CSPP1: variants seen among roughly 807,000 people sequenced by gnomAD.
The protein encoded by CSPP1 is centrosome and spindle pole associated protein 1, also known as centrosome and spindle pole-associated protein 1.
In CSPP1, 126 loss-of-function variants were observed where a neutral mutation model predicts 164.4. The observed-to-expected ratio is 0.77, with a 90% CI of 0.66 to 0.89. CSPP1 has a LOEUF of 0.89. Among genes scored for constraint, CSPP1 ranks in the 40% least tolerant of loss-of-function variants. The probability of loss-of-function intolerance (pLI) is 0.00; values close to 1 mark genes in which losing one functional copy is unlikely to be tolerated. For synonymous variants in CSPP1, 472 were observed against 476.7 expected, an observed-to-expected ratio of 0.99 and a Z score of 0.13; for missense variants, 1,395 against 1,449.8, an observed-to-expected ratio of 0.96 and a Z score of 0.61.
At chr8:67,077,196 C>T (rs916319232) in intron 3 of CSPP1, among the ~76,000 whole-genome samples, 2 of 152,110 alleles carry the variant, frequency 1.3e-5, no homozygotes, top group Non-Finnish European at 2.9e-5. Context: ...CTCTGTCACT[C>T]AGGCTGGAGT....
chr8:67,161,298 T>C (rs1286954448), intron 21 of CSPP1, among the ~76,000 whole-genome samples: 2 of 152,180 alleles, frequency 1.3e-5, no homozygotes, highest in Non-Finnish European at 2.9e-5. Context: ...CTATGTTGTA[T>C]TTACAATGAA....
At chr8:67,126,880 T>C (rs1820184545) in intron 15 of CSPP1, among the ~76,000 whole-genome samples, 1 of 152,116 alleles carries the variant, frequency 6.6e-6, no homozygotes, top group African/African-American at 2.4e-5. Context: ...CCCAGGATAG[T>C]GAGTTCTGAG....
At chr8:67,111,506 A>T (rs1258226228) in intron 9 of CSPP1, among the ~76,000 whole-genome samples, 2 of 152,178 alleles carry the variant, frequency 1.3e-5, no homozygotes, top group African/African-American at 2.4e-5. Flanking sequence ...AGGGGGCCTC[A>T]TATGAAGTGA....
intron 21 of CSPP1, among the ~76,000 whole-genome samples, chr8:67,160,914 C>T (rs184009445): frequency 0.013 from 1,944 of 152,188 alleles, 18 homozygotes; most frequent in Non-Finnish European, 0.018. Context: ...GCAACTTCCG[C>T]CTCCCAGGTT....
intron 28 of CSPP1, among the ~76,000 whole-genome samples, chr8:67,184,116 G>A (rs369526084): frequency 1.3e-5 from 2 of 152,158 alleles, no homozygotes; most frequent in African/African-American, 4.8e-5. Context: ...GCCTCCCAAA[G>A]TGCTGGGATT....
At chr8:67,153,901 AT>A (rs1296397499) in intron 18 of CSPP1, 122 bp from the exon 19 acceptor site, 3 of 565,622 alleles carry the variant, frequency 5.3e-6, no homozygotes, top group Non-Finnish European at 9.3e-6. Flanking sequence ...TCCCCTTCTG[AT>A]TTTAATCTTT....
At chr8:67,159,437 A>G (rs909650192) in intron 21 of CSPP1, among the ~76,000 whole-genome samples, 9 of 150,280 alleles carry the variant, frequency 6.0e-5, no homozygotes, top group Non-Finnish European at 1.5e-5. Context: ...TACAACATGA[A>G]CTGTTTGTTA....
At chr8:67,163,631 T>G (rs1586646252) in intron 22 of CSPP1, 101 bp from the exon 23 acceptor site, 2 of 769,988 alleles carry the variant, frequency 2.6e-6, no homozygotes, top group Non-Finnish European at 4.3e-6. Context: ...TAGTGTGGAG[T>G]TTGGTTTCCT....
intron 28 of CSPP1, among the ~76,000 whole-genome samples, chr8:67,189,723 ACTTATT>A (rs1280402028): frequency 6.6e-6 from 1 of 152,218 alleles, no homozygotes; most frequent in Non-Finnish European, 1.5e-5. Flanking sequence ...GATGTCACCA[ACTTATT>A]GGTGTAGCAA....
rs916485094 is a variant in CSPP1 at position 67,118,387 on chromosome 8, T to C, written c.1618+18T>C. 3 of 1,612,488 alleles carry C rather than the reference T, an allele frequency of 1.9e-6. No homozygotes were observed. In the African/African-American group the frequency reaches 4.0e-5, roughly 22 times the overall value. ...TGCTTATTGTAAGTTATCTATAGGG[T>C]AAGCATTTTCTCCCCGCTTGGCTCA... On this transcript the variant is annotated intron_variant, in intron 14 of 30. Transcript: ENST00000678616.
chr8:67,137,351 T>A lies in CSPP1; in HGVS notation c.1828-105T>A, dbSNP rs187876055. 1.0e-5 allele frequency: 9 copies of A among 901,368 alleles called. No individual in the cohort carries two copies. In the East Asian group the frequency reaches 1.2e-4, roughly 12 times the overall value. 55.8% of individuals were successfully genotyped at this position (901,368 alleles called of 1,614,324 possible). On this transcript the variant is annotated intron_variant, in intron 16 of 30. Coordinates refer to ENST00000678616, the MANE Select transcript of CSPP1 (RefSeq NM_001382391.1). ...CACTGGGGAAAAAAAAAAAAGCAAATTTTTTTGCTTGTTTTCTAATACAAA... is the reference window on the plus strand; with the variant it reads ...CACTGGGGAAAAAAAAAAAAGCAAAATTTTTTGCTTGTTTTCTAATACAAA...
intron 24 of CSPP1, among the ~76,000 whole-genome samples, chr8:67,168,782 A>C (rs1441491076): frequency 6.6e-6 from 1 of 152,248 alleles, no homozygotes; most frequent in Non-Finnish European, 1.5e-5. Context: ...TAGGCTCAAA[A>C]CAAATGTGAT....
chr8:67,181,363 A>G (rs1412160583), intron 28 of CSPP1, among the ~76,000 whole-genome samples: 1 of 126,256 alleles, frequency 7.9e-6, no homozygotes, highest in African/African-American at 3.1e-5. Context: ...TTTTTTTTTA[A>G]TGAATTTTTC....
At chr8:67,167,953 A>G (rs1829766402) in intron 24 of CSPP1, among the ~76,000 whole-genome samples, 1 of 152,094 alleles carries the variant, frequency 6.6e-6, no homozygotes, top group South Asian at 2.1e-4. Context: ...GGCGGCTGGG[A>G]GGTGGAGGTT....
intron 24 of CSPP1, among the ~76,000 whole-genome samples, chr8:67,165,845 C>T (rs770787663): frequency 2.0e-5 from 3 of 152,180 alleles, no homozygotes; most frequent in African/African-American, 4.8e-5. Flanking sequence ...CTAAATCTAG[C>T]GCACCTGCAA....
chr8:67,109,165 G>A (rs937004262), intron 9 of CSPP1, among the ~76,000 whole-genome samples: 21 of 152,206 alleles, frequency 1.4e-4, no homozygotes, highest in Admixed American at 6.5e-5. Context: ...GGAGGCTTGA[G>A]TGGGGCAGAA....
chr8:67,128,168 A>G (rs1187396890), intron 15 of CSPP1, among the ~76,000 whole-genome samples: 1 of 152,232 alleles, frequency 6.6e-6, no homozygotes, highest in Non-Finnish European at 1.5e-5. Flanking sequence ...AAAATTCAAA[A>G]AAGAACAACC....
At chr8:67,173,104 T>G (rs892025619) in intron 25 of CSPP1, 1 of 152,274 alleles carries the variant, frequency 6.6e-6, no homozygotes, top group African/African-American at 2.4e-5. Context: ...ACAATAGGCA[T>G]AAGACTTTTA....
At chr8:67,126,143 T>A (rs925656426) in intron 15 of CSPP1, among the ~76,000 whole-genome samples, 1 of 152,214 alleles carries the variant, frequency 6.6e-6, no homozygotes, top group Non-Finnish European at 1.5e-5. Flanking sequence ...CTTTATTTCT[T>A]TAGATACATA....
Sources: allele counts gnomAD v4.1 joint callset (sites outside exome capture counted in the v4.1 genomes callset), GRCh38; gene constraint gnomAD v4.1.1; transcripts MANE v1.5; gene names NCBI Gene and HGNC (gene_info 2026-07-23, HGNC 2026-07-21).